CACNA1E: variants seen among roughly 807,000 people sequenced by gnomAD.
The protein encoded by CACNA1E is calcium voltage-gated channel subunit alpha1 E, also known as voltage-dependent R-type calcium channel subunit alpha-1E.
In CACNA1E, 40 loss-of-function variants were observed where a neutral mutation model predicts 259.2. The observed-to-expected ratio is 0.15, with a 90% CI of 0.12 to 0.20. The LOEUF (loss-of-function observed/expected upper bound fraction) is 0.20, where lower values mean the gene tolerates loss of function less well. Ranked by LOEUF, CACNA1E falls within the 10% of genes least tolerant of loss-of-function variation. The pLI is 1.00. For missense variants in CACNA1E, 1,874 were observed against 3,040.1 expected, an observed-to-expected ratio of 0.62 and a Z score of 9.02; for synonymous variants, 1,104 against 1,138.5, an observed-to-expected ratio of 0.97 and a Z score of 0.61.
chr1:181,416,545 C>A (rs1391618372), intron 2 of CACNA1E, among the ~76,000 whole-genome samples: 1 of 152,184 alleles, frequency 6.6e-6, no homozygotes, highest in Non-Finnish European at 1.5e-5. Flanking sequence ...TCATCATCAG[C>A]AAAGTCCTGT....
intron 1 of CACNA1E, among the ~76,000 whole-genome samples, chr1:181,391,937 C>CTGTGTG (rs1490839276): frequency 2.7e-5 from 2 of 74,866 alleles, no homozygotes; most frequent in African/African-American, 4.1e-5. Flanking sequence ...CTCTCTCTCT[C>CTGTGTG]TCTCTCTCTG....
At chr1:181,574,679 C>T (rs991066255) in intron 3 of CACNA1E, among the ~76,000 whole-genome samples, 18 of 152,074 alleles carry the variant, frequency 1.2e-4, no homozygotes, top group Non-Finnish European at 5.9e-5. Context: ...GAGGTGGACA[C>T]GTTATGGGAG....
Position 181,737,796 on chromosome 1 carries a change from C to T in CACNA1E, c.3552+142C>T, listed in dbSNP as rs558723455. On this transcript the variant is annotated intron_variant, in intron 23 of 47. Transcript: ENST00000367573. The stretch of plus-strand genomic sequence containing the variant: ...AATTGTCCACTCCTGTTCCTCAGGG[C>T]GAAGTATGAACCATTCCCAGACAAG... 2.1e-4 allele frequency: 244 copies of T among 1,154,560 alleles called. 1 individual carries two copies. The highest frequency in any genetic ancestry group is 1.6e-3 in the Middle Eastern group (8 of 4,976). The allele number at this position is 1,154,560 out of a possible 1,614,324, so 71.5% of individuals were successfully genotyped here.
intron 3 of CACNA1E, among the ~76,000 whole-genome samples, chr1:181,559,272 G>A (rs6664954): frequency 0.85 from 129,375 of 152,184 alleles, 57,136 homozygotes; most frequent in Non-Finnish European, 0.98. Flanking sequence ...AGAATGGATT[G>A]CACAGAATAT....
At chr1:181,764,818 G>T (rs1242705156) in intron 34 of CACNA1E, among the ~76,000 whole-genome samples, 13 of 151,970 alleles carry the variant, frequency 8.6e-5, no homozygotes, top group Admixed American at 8.5e-4. Context: ...ACAAACTTCA[G>T]TGGTTAGTCT....
chr1:181,572,307 G>C (rs1261730580), intron 3 of CACNA1E, among the ~76,000 whole-genome samples: 2 of 152,220 alleles, frequency 1.3e-5, no homozygotes, highest in Non-Finnish European at 2.9e-5. Flanking sequence ...CTTCTGTTCT[G>C]CTGTGCCACT....
At position 181,739,412 on chromosome 1, in the gene CACNA1E, C is replaced by A; in HGVS notation, c.3719+159C>A. On this transcript the variant is annotated intron_variant, in intron 25 of 47. Coordinates refer to ENST00000367573, the MANE Select transcript of CACNA1E (RefSeq NM_001205293.3). The stretch of plus-strand genomic sequence containing the variant: ...AGTCGCCCCCAGCAGAGCTCCTGAG[C>A]GCCTTGCAGCTCCAGCTCACGTGAC... 6 of 624,452 alleles carry A rather than the reference C, an allele frequency of 9.6e-6. No individual in the cohort carries two copies. In the South Asian group the frequency reaches 1.2e-4, roughly 12 times the overall value. The allele number at this position is 624,452 out of a possible 1,614,324, so 38.7% of individuals were successfully genotyped here. A position where few individuals can be genotyped will look rare whatever the true frequency, so the allele number is the denominator to read the frequency against.
At chr1:181,342,063 G>C (rs747642667) in intron 1 of CACNA1E, among the ~76,000 whole-genome samples, 1 of 152,134 alleles carries the variant, frequency 6.6e-6, no homozygotes. Context: ...CAAGGGAGTG[G>C]TCTGAGGAAG....
At chr1:181,503,153 C>T (rs1665408519) in intron 1 of CACNA1E, among the ~76,000 whole-genome samples, 1 of 152,212 alleles carries the variant, frequency 6.6e-6, no homozygotes. Flanking sequence ...ATAACTATTG[C>T]TATGTCTGGG....
intron 1 of CACNA1E, among the ~76,000 whole-genome samples, chr1:181,362,368 C>T (rs1653946379): frequency 6.6e-6 from 1 of 152,236 alleles, no homozygotes; most frequent in Non-Finnish European, 1.5e-5. Context: ...GCAAGACCTC[C>T]TCATTACGGG....
At chr1:181,693,128 C>CAA (rs61662957) in intron 7 of CACNA1E, among the ~76,000 whole-genome samples, 354 of 97,734 alleles carry the variant, frequency 3.6e-3, no homozygotes, top group African/African-American at 6.5e-3. Flanking sequence ...CTATCTAAAG[C>CAA]AAAAAAAAAA....
chr1:181,364,673 G>A (rs905333877), intron 1 of CACNA1E, among the ~76,000 whole-genome samples: 2 of 152,218 alleles, frequency 1.3e-5, no homozygotes, highest in African/African-American at 4.8e-5. Context: ...TGCCCAGGTA[G>A]TTGATGTAGT....
chr1:181,708,516 C>T (rs1653018641), intron 7 of CACNA1E, among the ~76,000 whole-genome samples: 1 of 152,224 alleles, frequency 6.6e-6, no homozygotes, highest in Admixed American at 6.5e-5. Context: ...TTCAATTCTC[C>T]TCTTTCAAGG....
chr1:181,363,293 A>G (rs1654027140), intron 1 of CACNA1E, among the ~76,000 whole-genome samples: 1 of 152,202 alleles, frequency 6.6e-6, no homozygotes, highest in African/African-American at 2.4e-5. Flanking sequence ...TACCTGCCAA[A>G]ATGCGCGTGT....
chr1:181,470,942 A>G lies in CACNA1E; in HGVS notation c.435-12802A>G, dbSNP rs74599959. Reference sequence around the variant, plus strand: ...TTGCTCCTATAACAAAATACTCTAGAACGGGTAATTTATAAACAGCATAAA... The same window carrying G: ...TTGCTCCTATAACAAAATACTCTAGGACGGGTAATTTATAAACAGCATAAA... On this transcript the variant is annotated intron_variant, in intron 2 of 11. Transcript: ENST00000524607. Among the ~76,000 whole-genome samples, 1,019 of 152,276 alleles carry G rather than the reference A, an allele frequency of 6.7e-3. 10 individuals carry two copies. The highest frequency in any genetic ancestry group is 0.01 in the Non-Finnish European group (682 of 68,020).
intron 38 of CACNA1E, chr1:181,779,660 A>G: frequency 3.6e-6 from 1 of 275,814 alleles, no homozygotes; most frequent in East Asian, 8.9e-5. Flanking sequence ...CTTTCCTTTG[A>G]GTTTAAAGAG....
chr1:181,745,723 T>C (rs1042619338), intron 25 of CACNA1E, among the ~76,000 whole-genome samples: 1 of 152,124 alleles, frequency 6.6e-6, no homozygotes, highest in Non-Finnish European at 1.5e-5. Flanking sequence ...ACAAGTGTAT[T>C]GGGTGGACTT....
chr1:181,537,120 A>ATT (rs1668237512), intron 3 of CACNA1E, among the ~76,000 whole-genome samples: 2 of 105,904 alleles, frequency 1.9e-5, no homozygotes, highest in Admixed American at 1.1e-4. Context: ...TTTTTTTGAG[A>ATT]TGGAGTTTTG....
chr1:181,529,601 G>T (rs1315382738), intron 3 of CACNA1E, among the ~76,000 whole-genome samples: 2 of 152,192 alleles, frequency 1.3e-5, no homozygotes, highest in Non-Finnish European at 2.9e-5. Context: ...CAGGGGTGGG[G>T]CTGCCCAAGA....
Sources: gnomAD v4.1 joint callset for allele counts (sites outside exome capture counted in the v4.1 genomes callset) on GRCh38, gnomAD v4.1.1 for gene constraint, MANE v1.5 for transcripts, NCBI Gene and HGNC (gene_info 2026-07-23, HGNC 2026-07-21) for gene names.